TUSC3: variants seen among roughly 807,000 people sequenced by gnomAD.
TUSC3 encodes tumor suppressor candidate 3, also known as dolichyl-diphosphooligosaccharide--protein glycosyltransferase subunit TUSC3.
A neutral mutation model predicts 44.8 loss-of-function variants in TUSC3; 45 were observed. The ratio of observed to expected loss-of-function variants is 1.00; its 90% confidence interval spans 0.79 to 1.29. The LOEUF (loss-of-function observed/expected upper bound fraction) is 1.29. Ranked by LOEUF, TUSC3 falls within the 50% of genes most tolerant of loss-of-function variation. The probability of loss-of-function intolerance (pLI) is 0.00; values close to 1 mark genes in which losing one functional copy is unlikely to be tolerated. For synonymous variants in TUSC3, 212 were observed against 152.9 expected (o/e 1.39, Z -2.85); for missense variants, 519 against 437.9 (o/e 1.19, Z -1.65).
In TUSC3 at chr8:15,650,690, T is replaced by G; in HGVS notation, c.309-7T>G. 6.2e-7 allele frequency: 1 copy of G among 1,613,434 alleles called. No homozygotes were observed. Among genetic ancestry groups the G allele is most frequent in the African/African-American group, 1.3e-5 (1 of 75,044 alleles). ...GTGTTTCTACTATGGCCCATTATTC[T>G]TATCAGGCAAGCTAATGAAGAATAT... On this transcript the variant is annotated splice_region_variant and splice_polypyrimidine_tract_variant and intron_variant, in intron 2 of 10. Coordinates refer to ENST00000503731, the MANE Select transcript of TUSC3 (RefSeq NM_006765.4).
chr8:15,423,291 C>T (rs1455177561), intron 1 of TUSC3, among the ~76,000 whole-genome samples: 2 of 152,076 alleles, frequency 1.3e-5, no homozygotes, highest in African/African-American at 2.4e-5. Flanking sequence ...TTCTCTGTAT[C>T]CTTTTTTGAA....
chr8:15,792,952 T>C, the TUSC3 span, among the ~76,000 whole-genome samples: 5 of 152,002 alleles, frequency 3.3e-5, no homozygotes, highest in African/African-American at 1.2e-4. Context: ...AATATCTCCT[T>C]TTCTCACCCT....
chr8:15,717,137 A>G (rs1810089986), intron 6 of TUSC3, among the ~76,000 whole-genome samples: 1 of 152,146 alleles, frequency 6.6e-6, no homozygotes, highest in Non-Finnish European at 1.5e-5. Context: ...TATGTTTAAA[A>G]TACAGGTCAA....
intron 2 of TUSC3, among the ~76,000 whole-genome samples, chr8:15,502,615 C>T (rs1800983043): frequency 6.6e-6 from 1 of 152,180 alleles, no homozygotes; most frequent in African/African-American, 2.4e-5. Flanking sequence ...CTCAGCCTCC[C>T]AAGTAGCTGG....
At chr8:15,566,183 T>C (rs1171301835) in intron 1 of TUSC3, among the ~76,000 whole-genome samples, 2 of 152,144 alleles carry the variant, frequency 1.3e-5, no homozygotes, top group Non-Finnish European at 2.9e-5. Flanking sequence ...TTTACAGCAG[T>C]GATTCATGTA....
intron 6 of TUSC3, among the ~76,000 whole-genome samples, chr8:15,693,479 T>C (rs1809013391): frequency 7.6e-6 from 1 of 131,724 alleles, no homozygotes; most frequent in Admixed American, 8.6e-5. Flanking sequence ...GAATGCTGAA[T>C]ATAGGTTGAA....
chr8:15,835,948 T>C, the TUSC3 span, among the ~76,000 whole-genome samples: 220 of 152,282 alleles, frequency 1.4e-3, no homozygotes, highest in African/African-American at 5.0e-3. Flanking sequence ...AGTGTATTTA[T>C]TTAGTGTATG....
In TUSC3 at chr8:15,623,026, C is replaced by G. The variant is rs191410549; in HGVS notation, c.139-54C>G. On this transcript the variant is annotated intron_variant, in intron 1 of 10. Transcript: ENST00000503731. ...ACATTTTATGCATTTATATGAAATT[C>G]AAACAAAAGGACTTTGACTCTTTGT... 2.0e-5 allele frequency: 31 copies of G among 1,563,986 alleles called. No homozygotes were observed. The Admixed American group carries it at 3.8e-4, about 19-fold the overall frequency.
intron 1 of TUSC3, among the ~76,000 whole-genome samples, chr8:15,565,154 G>T (rs73193356): frequency 0.032 from 4,793 of 149,600 alleles, 110 homozygotes; most frequent in South Asian, 0.063. Flanking sequence ...TGCTGGAAGC[G>T]TTGAGGGGAG....
chr8:15,764,322 A>C lies in TUSC3; in HGVS notation c.*166A>C, dbSNP rs536598770. On this transcript the variant is annotated 3_prime_UTR_variant, in exon 11 of 11. Transcript: ENST00000503731. ...TCATTTCATTGTGATCAGCTAGCTT[A>C]TTCTTGTGTACTTTTTTTAAACTGT... 35 of 1,256,060 alleles carry C rather than the reference A, an allele frequency of 2.8e-5. No homozygotes were observed. Among genetic ancestry groups the C allele is most frequent in the Non-Finnish European group, 3.7e-5 (33 of 883,720 alleles). 77.8% of individuals were successfully genotyped at this position (1,256,060 alleles called of 1,614,324 possible). A position where few individuals can be genotyped will look rare whatever the true frequency, so the allele number is the denominator to read the frequency against.
chr8:15,828,936 A>T, the TUSC3 span, among the ~76,000 whole-genome samples: 11 of 152,208 alleles, frequency 7.2e-5, no homozygotes, highest in Non-Finnish European at 1.5e-4. Context: ...AATCCATTAA[A>T]TATTTAAATG....
At chr8:15,769,610 G>T (rs538116569), downstream of TUSC3, among the ~76,000 whole-genome samples, 1 of 152,012 alleles carries the variant, frequency 6.6e-6, no homozygotes, top group African/African-American at 2.4e-5. Flanking sequence ...GCTTCTGCAC[G>T]GCAAAAGAAA....
the TUSC3 span, among the ~76,000 whole-genome samples, chr8:15,829,552 CT>C: frequency 6.6e-6 from 1 of 152,050 alleles, no homozygotes; most frequent in Non-Finnish European, 1.5e-5. Context: ...AAAGGTCTCT[CT>C]CAATTTTCCA....
intron 1 of TUSC3, among the ~76,000 whole-genome samples, chr8:15,457,721 TAATA>T (rs1800275836): frequency 6.7e-6 from 1 of 148,572 alleles, no homozygotes; most frequent in South Asian, 2.1e-4. Context: ...AATAATAATC[TAATA>T]AAATAAAATA....
the TUSC3 span, among the ~76,000 whole-genome samples, chr8:15,774,426 T>C: frequency 2.0e-5 from 3 of 152,000 alleles, no homozygotes; most frequent in Non-Finnish European, 4.4e-5. Flanking sequence ...GAGAAAACCA[T>C]ATAAAGATGG....
intron 2 of TUSC3, among the ~76,000 whole-genome samples, chr8:15,626,621 C>T (rs532518604): frequency 1.3e-5 from 2 of 152,184 alleles, no homozygotes; most frequent in Non-Finnish European, 2.9e-5. Context: ...AGGAAGGCCC[C>T]CCTTACCCCT....
At chr8:15,798,904 C>T in the TUSC3 span, among the ~76,000 whole-genome samples, 1 of 152,138 alleles carries the variant, frequency 6.6e-6, no homozygotes, top group Non-Finnish European at 1.5e-5. Flanking sequence ...CTGCTGCCCG[C>T]AGGAATTTAT....
At chr8:15,757,691 A>G in intron 9 of TUSC3, 100 bp from the exon 10 acceptor site, 3 of 1,416,772 alleles carry the variant, frequency 2.1e-6, no homozygotes, top group Non-Finnish European at 2.0e-6. Context: ...TAGATAAAGA[A>G]TGTAGTGCTA....
At chr8:15,528,884 G>T (rs911274410) in intron 2 of TUSC3, among the ~76,000 whole-genome samples, 4 of 152,170 alleles carry the variant, frequency 2.6e-5, no homozygotes, top group Non-Finnish European at 5.9e-5. Flanking sequence ...GTCAGACTTT[G>T]AACTTTGACC....
Sources: gnomAD v4.1 joint callset for allele counts (sites outside exome capture counted in the v4.1 genomes callset) on GRCh38, gnomAD v4.1.1 for gene constraint, MANE v1.5 for transcripts, NCBI Gene and HGNC (gene_info 2026-07-23, HGNC 2026-07-21) for gene names.